USP28: variants seen among roughly 807,000 people sequenced by gnomAD.
USP28 encodes ubiquitin carboxyl-terminal hydrolase 28.
A neutral mutation model predicts 145.0 loss-of-function variants in USP28; 113 were observed. The ratio of observed to expected loss-of-function variants is 0.78; its 90% CI spans 0.67 to 0.91. The LOEUF (loss-of-function observed/expected upper bound fraction) is 0.91. Among genes scored for constraint, USP28 ranks in the 40% least tolerant of loss-of-function variants. USP28 has a pLI of 0.00. For synonymous variants in USP28, 447 were observed against 450.9 expected, an observed-to-expected ratio of 0.99 and a Z score of 0.11; for missense variants, 1,201 against 1,289.6, an observed-to-expected ratio of 0.93 and a Z score of 1.05.
chr11:113,829,375 G>C, intron 9 of USP28, 30 bp from the exon 10 acceptor site: 2 of 1,611,072 alleles, frequency 1.2e-6, no homozygotes, highest in Non-Finnish European at 1.7e-6. Context: ...TTTTAAAAAA[G>C]ACATCACTAT....
chr11:113,870,348 A>T (rs915498868), intron 1 of USP28, among the ~76,000 whole-genome samples: 1 of 152,096 alleles, frequency 6.6e-6, no homozygotes, highest in Non-Finnish European at 1.5e-5. Context: ...GCAACATAGC[A>T]AGACCTCGTC....
At chr11:113,828,739 A>T (rs1045711498) in intron 10 of USP28, 2 of 320,016 alleles carry the variant, frequency 6.2e-6, no homozygotes, top group African/African-American at 4.4e-5. Flanking sequence ...TAGATACATA[A>T]ATAAACAAAT....
chr11:113,871,532 A>G (rs1468422646), intron 1 of USP28, among the ~76,000 whole-genome samples: 1 of 152,178 alleles, frequency 6.6e-6, no homozygotes, highest in East Asian at 1.9e-4. Flanking sequence ...CTCCCTCCAG[A>G]GTCACAATCA....
At position 113,813,433 on chromosome 11, in the gene USP28, G is replaced by A. The variant is rs1478014823; in HGVS notation, c.1743+452C>T. ...ATTCTAACAAACACTTCTGTGGATA[G>A]TTAAGAATTTCTGTCCTAACTCTCT... On this transcript the variant is annotated intron_variant, in intron 15 of 24. Coordinates refer to ENST00000003302, the Ensembl canonical transcript of USP28. 2.0e-5 allele frequency among the ~76,000 whole-genome samples: 3 copies of A among 152,176 alleles called. No homozygotes were observed. In the East Asian group the frequency reaches 5.8e-4, roughly 29 times the overall value.
chr11:113,870,055 G>A (rs1253548565), intron 1 of USP28, among the ~76,000 whole-genome samples: 1 of 152,130 alleles, frequency 6.6e-6, no homozygotes, highest in Non-Finnish European at 1.5e-5. Context: ...CCAGCCACTC[G>A]GGAGGCTGAG....
At chr11:113,868,190 T>C (rs988512718) in intron 1 of USP28, among the ~76,000 whole-genome samples, 1 of 152,282 alleles carries the variant, frequency 6.6e-6, no homozygotes, top group Admixed American at 6.5e-5. Flanking sequence ...TCAAAGGAAG[T>C]ACTGCAAATA....
At chr11:113,808,542 AAC>A (rs1178987813) in intron 17 of USP28, 105 bp from the exon 18 acceptor site, 1 of 1,233,606 alleles carries the variant, frequency 8.1e-7, no homozygotes, top group Non-Finnish European at 1.1e-6. Context: ...CAACCCTGTT[AAC>A]ACAGCTTTTT....
chr11:113,836,462 CCTT>C (rs1365407033), intron 5 of USP28, among the ~76,000 whole-genome samples: 3 of 152,132 alleles, frequency 2.0e-5, no homozygotes, highest in Non-Finnish European at 2.9e-5. Flanking sequence ...CCACGCAGCT[CCTT>C]CTAAGTACCT....
chr11:113,837,472 C>A (rs1388750366), intron 5 of USP28, among the ~76,000 whole-genome samples: 2 of 152,220 alleles, frequency 1.3e-5, no homozygotes, highest in African/African-American at 2.4e-5. Context: ...TGTCAGTTCG[C>A]AGATTACACG....
chr11:113,852,740 A>C (rs1565472650), intron 2 of USP28, 107 bp from the exon 3 acceptor site: 8 of 1,272,946 alleles, frequency 6.3e-6, no homozygotes, highest in Non-Finnish European at 7.6e-6. Context: ...ACTTTCAGGC[A>C]TAATTCTAGG....
intron 1 of USP28, among the ~76,000 whole-genome samples, chr11:113,859,892 TAAAG>T (rs1006014100): frequency 1.3e-5 from 2 of 152,072 alleles, no homozygotes; most frequent in African/African-American, 4.8e-5. Flanking sequence ...CCAGAGGCAG[TAAAG>T]AAAGACAGGC....
At chr11:113,862,548 G>A (rs1306069696) in intron 1 of USP28, among the ~76,000 whole-genome samples, 1 of 152,198 alleles carries the variant, frequency 6.6e-6, no homozygotes, top group East Asian at 1.9e-4. Context: ...AACGTGGGAT[G>A]ACACTAGGAA....
At chr11:113,864,981 T>C (rs907624783) in intron 1 of USP28, among the ~76,000 whole-genome samples, 1 of 152,048 alleles carries the variant, frequency 6.6e-6, no homozygotes, top group Non-Finnish European at 1.5e-5. Flanking sequence ...GGAACACAGA[T>C]GTGTGCCATC....
At position 113,854,376 on chromosome 11, in the gene USP28, GAAAGTAA is replaced by G; in HGVS notation, c.58-48_58-42del. On this transcript the variant is annotated intron_variant, in intron 1 of 24. Coordinates refer to ENST00000003302, the Ensembl canonical transcript of USP28. ...AAAAAAACCACAAACATGTCAGTCA[GAAAGTAA>G]ACCTGGGTACATTTAAAGAATAACT... 2.6e-6 allele frequency: 4 copies of G among 1,564,402 alleles called. No individual in the cohort carries two copies. The South Asian group carries it at 4.5e-5, about 17-fold the overall frequency.
chr11:113,851,656 CGTA>C (rs763872948), intron 3 of USP28, among the ~76,000 whole-genome samples: 19 of 152,018 alleles, frequency 1.2e-4, no homozygotes, highest in Non-Finnish European at 2.8e-4. Context: ...ATTAGCCAGG[CGTA>C]GTGGTGGGCG....
At chr11:113,817,996 A>T in intron 12 of USP28, 159 bp from the exon 13 acceptor site, 1 of 647,498 alleles carries the variant, frequency 1.5e-6, no homozygotes. Context: ...ATAGGGTAAA[A>T]ATTCTCTAAC....
At chr11:113,843,215 G>C (rs1282762542) in intron 3 of USP28, among the ~76,000 whole-genome samples, 1 of 151,468 alleles carries the variant, frequency 6.6e-6, no homozygotes, top group Non-Finnish European at 1.5e-5. Flanking sequence ...CTGGGCGACA[G>C]AGTGAGACTC....
intron 3 of USP28, 66 bp from the exon 4 acceptor site, chr11:113,841,834 A>G: frequency 8.7e-7 from 1 of 1,147,066 alleles, no homozygotes; most frequent in Non-Finnish European, 1.2e-6. Flanking sequence ...TAATATAAGA[A>G]AAAGGTAAAG....
chr11:113,875,455 C>A lies in USP28; in HGVS notation c.47G>T (p.Gly16Val), dbSNP rs944155700. The change falls in exon 1 of 25, where the codon GGC becomes GTC. Residue 16 changes from glycine to valine, a missense_variant. Physicochemically the swap from Gly to Val is moderately radical, Grantham distance 109. Coordinates refer to ENST00000003302, the Ensembl canonical transcript of USP28. ...CGCCGCGGAGCCCACCGAGCCGTGG[C>A]CGTCTGCCGCGCCGGCCGCGTCGTC... is the stretch of plus-strand genomic sequence containing the variant. 9.6e-6 allele frequency: 12 copies of A among 1,246,770 alleles called. 1 individual carries two copies. In the Admixed American group the frequency reaches 1.8e-4, roughly 19 times the overall value. 77.2% of individuals were successfully genotyped at this position (1,246,770 alleles called of 1,614,324 possible).
Sources: allele counts gnomAD v4.1 joint callset (sites outside exome capture counted in the v4.1 genomes callset), GRCh38; gene constraint gnomAD v4.1.1; transcripts MANE v1.5; gene names NCBI Gene and HGNC (gene_info 2026-07-23, HGNC 2026-07-21).